PARG: variants seen among roughly 807,000 people sequenced by gnomAD.
The protein encoded by PARG is poly(ADP-ribose) glycohydrolase, also known as mitochondrial poly(ADP-ribose) glycohydrolase.
Under a neutral mutation model 113.0 loss-of-function variants are expected in PARG, and 35 were observed. The ratio of observed to expected loss-of-function variants is 0.31; its 90% CI spans 0.24 to 0.41. The LOEUF (loss-of-function observed/expected upper bound fraction) is 0.41, where lower values mean the gene tolerates loss of function less well. Ranked by LOEUF, PARG falls within the 10% of genes least tolerant of loss-of-function variation. The pLI is 1.00. For missense variants in PARG, 797 were observed against 1,169.4 expected (o/e 0.68, Z 4.64); for synonymous variants, 330 against 409.9 (o/e 0.81, Z 2.36).
At chr10:49,848,931 A>C (rs1202625752) in intron 13 of PARG, among the ~76,000 whole-genome samples, 3 of 151,852 alleles carry the variant, frequency 2.0e-5, no homozygotes, top group Non-Finnish European at 4.4e-5. Flanking sequence ...GACATGTGTC[A>C]AAGACAAAAC....
chr10:49,918,177 T>C (rs1211367317), intron 6 of PARG, among the ~76,000 whole-genome samples: 1 of 152,230 alleles, frequency 6.6e-6, no homozygotes, highest in Non-Finnish European at 1.5e-5. Context: ...ACAAACATTC[T>C]GTATCTTGAT....
intron 4 of PARG, among the ~76,000 whole-genome samples, chr10:49,928,027 A>G (rs1388284885): frequency 1.3e-5 from 2 of 151,874 alleles, no homozygotes; most frequent in Non-Finnish European, 2.9e-5. Context: ...ATCCCAGCAC[A>G]TTGGGGGGCC....
Position 49,868,535 on chromosome 10 carries a change from A to G in PARG, c.2068+941T>C, listed in dbSNP as rs528053694. On this transcript the variant is annotated intron_variant, in intron 10 of 17. Transcript: ENST00000616448. Reference sequence around the variant, plus strand: ...CAATACATTCAAGGGGGAAGATGCCAAGTACACTGTAATGCAAGAGTAAAA... The same window carrying G: ...CAATACATTCAAGGGGGAAGATGCCGAGTACACTGTAATGCAAGAGTAAAA... Among the ~76,000 whole-genome samples, 30 of 152,330 alleles carry G rather than the reference A, an allele frequency of 2.0e-4. 1 individual carries two copies. The South Asian group carries it at 6.0e-3, about 30-fold the overall frequency.
At chr10:49,828,081 G>T (rs1844448271) in intron 16 of PARG, among the ~76,000 whole-genome samples, 1 of 21,816 alleles carries the variant, frequency 4.6e-5, no homozygotes, top group Non-Finnish European at 9.3e-5. Context: ...ACGAGATGTA[G>T]AAAGCTTAAA....
chr10:49,855,863 GA>G (rs71271525), intron 13 of PARG, among the ~76,000 whole-genome samples: 1 of 120,184 alleles, frequency 8.3e-6, no homozygotes, highest in African/African-American at 3.1e-5. Flanking sequence ...ACTTTTTCAG[GA>G]AAAAAAAATA....
intron 6 of PARG, 27 bp from the exon 7 acceptor site, chr10:49,916,018 C>A (rs557817652): frequency 1.5e-6 from 2 of 1,299,698 alleles, no homozygotes; most frequent in Non-Finnish European, 2.2e-6. Flanking sequence ...AACAAAAAAA[C>A]GTCATGGTAT....
At chr10:49,908,814 T>C (rs2132798754) in intron 7 of PARG, among the ~76,000 whole-genome samples, 1 of 152,276 alleles carries the variant, frequency 6.6e-6, no homozygotes, top group East Asian at 1.9e-4. Context: ...AAGGCTATCA[T>C]GGAAGGAGGC....
chr10:49,935,908 T>A (rs1221293747), intron 1 of PARG, among the ~76,000 whole-genome samples: 1 of 152,158 alleles, frequency 6.6e-6, no homozygotes, highest in Non-Finnish European at 1.5e-5. Flanking sequence ...TTGAAAGACA[T>A]GATTCCTCTC....
chr10:49,864,248 C>T (rs1846387868), intron 11 of PARG, among the ~76,000 whole-genome samples: 2 of 152,060 alleles, frequency 1.3e-5, no homozygotes, highest in African/African-American at 4.8e-5. Flanking sequence ...TACGTGTTCT[C>T]ATCTTTTTCT....
At chr10:49,849,047 T>C (rs1845640295) in intron 13 of PARG, among the ~76,000 whole-genome samples, 1 of 151,870 alleles carries the variant, frequency 6.6e-6, no homozygotes, top group Non-Finnish European at 1.5e-5. Flanking sequence ...AATACAAAAT[T>C]AGCCAGGCAT....
chr10:49,905,640 G>T (rs2664470), intron 7 of PARG, among the ~76,000 whole-genome samples: 1 of 152,162 alleles, frequency 6.6e-6, no homozygotes, highest in African/African-American at 2.4e-5. Flanking sequence ...GATATAATAC[G>T]CAGTACATTC....
At chr10:49,902,525 CT>C (rs781872739) in intron 7 of PARG, among the ~76,000 whole-genome samples, 23 of 152,150 alleles carry the variant, frequency 1.5e-4, no homozygotes, top group Non-Finnish European at 2.6e-4. Context: ...AGAACAGCCT[CT>C]CCCTTCTACT....
intron 13 of PARG, among the ~76,000 whole-genome samples, chr10:49,843,863 T>C (rs1238596280): frequency 6.6e-6 from 1 of 152,312 alleles, no homozygotes; most frequent in East Asian, 1.9e-4. Context: ...AAGGAATCAC[T>C]GAACTAAAGA....
chr10:49,843,688 C>T, intron 13 of PARG, 56 bp from the exon 14 acceptor site: 1 of 1,132,584 alleles, frequency 8.8e-7, no homozygotes, highest in African/African-American at 1.5e-5. Flanking sequence ...AAACATTCCA[C>T]CTTTCATAAC....
chr10:49,885,194 T>C lies in PARG; in HGVS notation c.1830+9A>G. 1 of 1,440,158 alleles carries C rather than the reference T, an allele frequency of 6.9e-7. No individual in the cohort carries two copies. Among genetic ancestry groups the C allele is most frequent in the South Asian group, 1.1e-5 (1 of 87,632 alleles). The allele number at this position is 1,440,158 out of a possible 1,614,324, so 89.2% of individuals were successfully genotyped here. A position where few individuals can be genotyped will look rare whatever the true frequency, so the allele number is the denominator to read the frequency against. On this transcript the variant is annotated intron_variant, in intron 8 of 17. Coordinates refer to ENST00000616448, the MANE Select transcript of PARG (RefSeq NM_003631.5). ...CAGGGAAGCTACTGAGGAAGCTACA[T>C]CCACTAACCTGGGTGCAAATATTTG...
At chr10:49,844,725 G>A (rs1845422628) in intron 13 of PARG, among the ~76,000 whole-genome samples, 1 of 151,094 alleles carries the variant, frequency 6.6e-6, no homozygotes, top group African/African-American at 2.4e-5. Flanking sequence ...CCTCCAGCCT[G>A]GGTGACAGAG....
chr10:49,909,212 T>C lies in PARG; in HGVS notation c.1737+6705A>G, dbSNP rs1246269397. On this transcript the variant is annotated intron_variant, in intron 7 of 17. Transcript: ENST00000616448. Reference sequence around the variant, plus strand: ...CATACAACTATTGTGTTTTACGTTATTGAATCATAGCTGATTTGTGCTGTG... The same window carrying C: ...CATACAACTATTGTGTTTTACGTTACTGAATCATAGCTGATTTGTGCTGTG... 1.5e-4 allele frequency among the ~76,000 whole-genome samples: 23 copies of C among 152,224 alleles called. No homozygotes were observed. The East Asian group carries it at 3.5e-3, about 23-fold the overall frequency.
intron 7 of PARG, among the ~76,000 whole-genome samples, chr10:49,888,666 T>A (rs1484560445): frequency 6.6e-6 from 1 of 152,222 alleles, no homozygotes; most frequent in Non-Finnish European, 1.5e-5. Context: ...CCTTTGGTTT[T>A]AAGAAATGTA....
intron 1 of PARG, among the ~76,000 whole-genome samples, chr10:49,937,740 A>G (rs1838824135): frequency 6.6e-6 from 1 of 152,154 alleles, no homozygotes; most frequent in African/African-American, 2.4e-5. Flanking sequence ...TGTAGCCCTG[A>G]CCCTGAGAAT....
Sources: gnomAD v4.1 joint callset for allele counts (sites outside exome capture counted in the v4.1 genomes callset) on GRCh38, gnomAD v4.1.1 for gene constraint, MANE v1.5 for transcripts, NCBI Gene and HGNC (gene_info 2026-07-23, HGNC 2026-07-21) for gene names.